The following ATF6 variants were observed in gnomAD, a reference collection of about 807,000 sequenced individuals.
ATF6 encodes activating transcription factor 6.
A neutral mutation model predicts 83.6 loss-of-function variants in ATF6; 53 were observed. That is an observed-to-expected ratio of 0.63 (90% CI 0.51 to 0.80). ATF6 has a LOEUF of 0.80. ATF6 is among the 30% of genes least tolerant of loss of function. ATF6 has a pLI of 0.00. For synonymous variants in ATF6, 288 were observed against 285.8 expected (o/e 1.01, Z -0.08); for missense variants, 744 against 797.9 (o/e 0.93, Z 0.81).
At chr1:161,892,476 G>A (rs1030815557) in intron 14 of ATF6, among the ~76,000 whole-genome samples, 28 of 151,870 alleles carry the variant, frequency 1.8e-4, no homozygotes, top group African/African-American at 4.6e-4. Flanking sequence ...CTGTATATCC[G>A]TTTGTCTCTT....
intron 9 of ATF6, among the ~76,000 whole-genome samples, chr1:161,836,409 G>C (rs1031237984): frequency 6.6e-6 from 1 of 152,156 alleles, no homozygotes; most frequent in Admixed American, 6.5e-5. Context: ...AATCTAATTT[G>C]AGTTTTTGGC....
At chr1:161,882,938 GCATATGGGTA>G (rs913972248) in intron 14 of ATF6, among the ~76,000 whole-genome samples, 1 of 151,944 alleles carries the variant, frequency 6.6e-6, no homozygotes, top group African/African-American at 2.4e-5. Flanking sequence ...GACCTTGGAA[GCATATGGGTA>G]CATAGAAAGA....
At chr1:161,914,637 GTTAC>G (rs1558023113) in intron 15 of ATF6, among the ~76,000 whole-genome samples, 1 of 152,118 alleles carries the variant, frequency 6.6e-6, no homozygotes, top group Non-Finnish European at 1.5e-5. Flanking sequence ...CTCTCTGACT[GTTAC>G]TTACTCTCTT....
At chr1:161,887,888 T>G (rs28723681) in intron 14 of ATF6, among the ~76,000 whole-genome samples, 44 of 152,328 alleles carry the variant, frequency 2.9e-4, no homozygotes, top group African/African-American at 9.1e-4. Context: ...AACAAGACTA[T>G]ACTCTACACA....
rs1686903281 is a variant in ATF6 at position 161,862,323 on chromosome 1, TTTGA to T, written c.1605-869_1605-866del. Among the ~76,000 whole-genome samples the T allele has an allele frequency of 2.6e-5, 4 of 152,296 alleles. No homozygotes were observed. In the South Asian group the frequency reaches 8.3e-4, roughly 32 times the overall value. On this transcript the variant is annotated intron_variant, in intron 13 of 15. Coordinates refer to ENST00000367942, the MANE Select transcript of ATF6 (RefSeq NM_007348.4). ...CAGTCTTTTTCTCCTCTTAATAATATTTGATTGATACATACAAGTTTTCTCTTTG... is the reference window on the plus strand; with the variant it reads ...CAGTCTTTTTCTCCTCTTAATAATATTTGATACATACAAGTTTTCTCTTTG...
At chr1:161,919,177 T>A (rs1379836572) in intron 15 of ATF6, among the ~76,000 whole-genome samples, 1 of 152,210 alleles carries the variant, frequency 6.6e-6, no homozygotes, top group Non-Finnish European at 1.5e-5. Context: ...GAAAACAGGT[T>A]AGTGAAGCTG....
intron 12 of ATF6, 74 bp downstream of exon 12, chr1:161,853,397 TC>T (rs1686684356): frequency 8.9e-7 from 1 of 1,118,518 alleles, no homozygotes; most frequent in Non-Finnish European, 1.3e-6. Context: ...GTTACTCTCT[TC>T]CCTAGAAGGT....
intron 1 of ATF6, among the ~76,000 whole-genome samples, chr1:161,768,016 C>G (rs1236844304): frequency 1.3e-5 from 2 of 152,040 alleles, no homozygotes; most frequent in Admixed American, 1.3e-4. Context: ...CCACCACGCC[C>G]GGCTAATTTT....
At chr1:161,788,030 TA>T (rs1557960195) in intron 4 of ATF6, among the ~76,000 whole-genome samples, 2 of 152,350 alleles carry the variant, frequency 1.3e-5, no homozygotes, top group South Asian at 4.1e-4. Flanking sequence ...ATGAATATTT[TA>T]AAAAATGTTC....
At chr1:161,783,179 G>A (rs1009935230) in intron 3 of ATF6, among the ~76,000 whole-genome samples, 7 of 152,150 alleles carry the variant, frequency 4.6e-5, no homozygotes, top group Admixed American at 1.3e-4. Context: ...CAAAGCAGAG[G>A]CTGCATTTCC....
intron 9 of ATF6, among the ~76,000 whole-genome samples, chr1:161,833,315 C>G (rs887448954): frequency 3.9e-5 from 6 of 152,174 alleles, no homozygotes; most frequent in African/African-American, 1.4e-4. Flanking sequence ...AAAAACAGAG[C>G]AGAAAAACCA....
chr1:161,795,155 T>G (rs1175733041), intron 6 of ATF6, among the ~76,000 whole-genome samples: 1 of 152,028 alleles, frequency 6.6e-6, no homozygotes, highest in African/African-American at 2.4e-5. Context: ...AAATGACAGA[T>G]GTATTCCTTG....
At chr1:161,885,559 G>A (rs893378443) in intron 14 of ATF6, among the ~76,000 whole-genome samples, 2 of 152,046 alleles carry the variant, frequency 1.3e-5, no homozygotes, top group African/African-American at 4.8e-5. Flanking sequence ...ATTCCTGTTA[G>A]ATTTCCAAAA....
chr1:161,790,483 A>G (rs1484548064), intron 4 of ATF6, among the ~76,000 whole-genome samples: 1 of 152,126 alleles, frequency 6.6e-6, no homozygotes, highest in East Asian at 1.9e-4. Flanking sequence ...TATGTATCTC[A>G]ATCATTATGA....
rs1686855162 is a variant in ATF6 at position 161,860,270 on chromosome 1, A to G, written c.1597A>G (p.Ser533Gly). The G allele has an allele frequency of 2.5e-6, 4 of 1,600,946 alleles. No homozygotes were observed. The highest frequency in any genetic ancestry group is 2.7e-5 in the African/African-American group (2 of 74,180). The change falls in exon 13 of 16, where the codon AGT becomes GGT. Residue 533 changes from serine (S) to glycine (G), a missense_variant. Ser to Gly is a moderately conservative substitution (Grantham distance 56, BLOSUM62 0). Transcript: ENST00000367942. ...MAVQYTETTS[S>G]ISRNSGSELQ... ...TGTTCAATACACAGAAACCACTAGT[A>G]GTATCAGGTAAGACAGTGCAGAAGC...
intron 9 of ATF6, among the ~76,000 whole-genome samples, chr1:161,824,299 G>A (rs1251977359): frequency 3.3e-5 from 5 of 150,220 alleles, no homozygotes; most frequent in Non-Finnish European, 7.4e-5. Context: ...TCTGTCAGGT[G>A]TTAAGCTCAA....
rs185597509 is a variant in ATF6, at chr1:161,815,769, C to T, written c.910-3864C>T. On this transcript the variant is annotated intron_variant, in intron 7 of 15. Transcript: ENST00000367942. ...ACCAGCCTGGGCAACATAGAGAGAT[C>T]CTATCTCTACAAAAAAATAAACTAG... Among the ~76,000 whole-genome samples the T allele has an allele frequency of 2.0e-3, 303 of 152,060 alleles. 1 individual carries two copies. The highest frequency in any genetic ancestry group is 7.1e-3 in the African/African-American group (293 of 41,486).
chr1:161,928,856 A>G (rs1405335694), intron 15 of ATF6, among the ~76,000 whole-genome samples: 1 of 152,228 alleles, frequency 6.6e-6, no homozygotes, highest in Non-Finnish European at 1.5e-5. Flanking sequence ...AGATCCATTT[A>G]GACAAAGTGG....
At chr1:161,928,398 G>T (rs1263342080) in intron 15 of ATF6, among the ~76,000 whole-genome samples, 1 of 152,138 alleles carries the variant, frequency 6.6e-6, no homozygotes, top group South Asian at 2.1e-4. Flanking sequence ...GCAAAAAGAT[G>T]TCTATCCTGG....
Sources: gnomAD v4.1 joint callset for allele counts (sites outside exome capture counted in the v4.1 genomes callset) on GRCh38, gnomAD v4.1.1 for gene constraint, MANE v1.5 for transcripts, NCBI Gene and HGNC (gene_info 2026-07-23, HGNC 2026-07-21) for gene names.